Variants in DRC9 observed in about 807,000 individuals in gnomAD.
DRC9 encodes the protein dynein regulatory complex protein 9.
At chr3:197,941,563 C>CTTCTTTCT in the DRC9 span, among the ~76,000 whole-genome samples, 5 of 115,048 alleles carry the variant, frequency 4.3e-5, no homozygotes, top group Admixed American at 9.2e-5. Flanking sequence ...CCCTCCCTTC[C>CTTCTTTCT]TTCTTTCTTT....
the DRC9 span, among the ~76,000 whole-genome samples, chr3:197,942,056 C>G: frequency 6.6e-6 from 1 of 152,000 alleles, no homozygotes; most frequent in Non-Finnish European, 1.5e-5. Flanking sequence ...TAAAACTACC[C>G]CAAAACTCGC....
chr3:197,903,671 A>G, the DRC9 span, among the ~76,000 whole-genome samples: 1 of 152,190 alleles, frequency 6.6e-6, no homozygotes, highest in Non-Finnish European at 1.5e-5. Context: ...AGGCTTCTGC[A>G]TAGCAAACAA....
chr3:197,913,994 T>C, the DRC9 span: 3 of 1,614,192 alleles, frequency 1.9e-6, no homozygotes, highest in Non-Finnish European at 2.5e-6. Flanking sequence ...GATTTTGCCT[T>C]CATCTCTTGC....
the DRC9 span, chr3:197,953,771 TG>T: frequency 1.7e-6 from 1 of 593,800 alleles, no homozygotes; most frequent in South Asian, 2.0e-5. Flanking sequence ...TAAACTTACT[TG>T]GTTATCATGT....
chr3:197,923,493 G>T, the DRC9 span, among the ~76,000 whole-genome samples: 1 of 152,120 alleles, frequency 6.6e-6, no homozygotes, highest in Admixed American at 6.6e-5. Context: ...TTATGGGGGG[G>T]CCAAGGCAGA....
chr3:197,951,011 T>C, the DRC9 span: 47 of 1,610,148 alleles, frequency 2.9e-5, no homozygotes, highest in South Asian at 4.2e-4. Context: ...TTTATTTTTG[T>C]GTGTTAGACG....
chr3:197,914,086 C>T, the DRC9 span: 1 of 1,533,390 alleles, frequency 6.5e-7, no homozygotes, highest in Non-Finnish European at 9.0e-7. Context: ...ATACATTCTA[C>T]CTCCATTCAG....
At chr3:197,950,226 G>A in the DRC9 span, 14 of 1,231,332 alleles carry the variant, frequency 1.1e-5, no homozygotes, top group Non-Finnish European at 1.3e-5. Flanking sequence ...GTGGAGGTGA[G>A]TGAAGGGTCT....
chr3:197,950,956 CTAAA>C, the DRC9 span: 1 of 1,614,080 alleles, frequency 6.2e-7, no homozygotes, highest in African/African-American at 1.3e-5. Flanking sequence ...AACGGGACTT[CTAAA>C]AGGAACTATG....
At chr3:197,951,333 G>A in the DRC9 span, 5 of 1,613,460 alleles carry the variant, frequency 3.1e-6, no homozygotes, top group Non-Finnish European at 2.5e-6. Flanking sequence ...ACACTGGTAG[G>A]TTTTGGGTTT....
the DRC9 span, among the ~76,000 whole-genome samples, chr3:197,906,176 C>T: frequency 5.9e-5 from 9 of 152,288 alleles, no homozygotes; most frequent in African/African-American, 2.2e-4. Flanking sequence ...TGGAGGCACA[C>T]GACAGGAGGG....
At chr3:197,938,174 G>A in the DRC9 span, among the ~76,000 whole-genome samples, 37,685 of 151,526 alleles carry the variant, frequency 0.25, 5,845 homozygotes, top group African/African-American at 0.45. Context: ...AAAATTAGCC[G>A]GGCATGGTGG....
chr3:197,935,992 A>G, the DRC9 span, among the ~76,000 whole-genome samples: 1 of 151,984 alleles, frequency 6.6e-6, no homozygotes, highest in African/African-American at 2.4e-5. Flanking sequence ...TCACGTCTGT[A>G]ATCCCAGCAC....
At chr3:197,941,544 T>C in the DRC9 span, among the ~76,000 whole-genome samples, 1 of 85,844 alleles carries the variant, frequency 1.2e-5, no homozygotes, top group South Asian at 3.9e-4. Flanking sequence ...TTTCTTTCTT[T>C]CCCTCCCTCC....
the DRC9 span, chr3:197,957,730 C>T: frequency 6.6e-6 from 1 of 152,166 alleles, no homozygotes; most frequent in Non-Finnish European, 1.5e-5. Flanking sequence ...AAGTGCTGAT[C>T]TTGGACACCC....
the DRC9 span, chr3:197,943,701 T>A: frequency 5.0e-6 from 6 of 1,203,626 alleles, no homozygotes; most frequent in Non-Finnish European, 7.1e-6. Context: ...AATAAGTACA[T>A]TTAATGGGAT....
chr3:197,913,789 CTT>C, the DRC9 span: 15 of 1,311,018 alleles, frequency 1.1e-5, no homozygotes, highest in Admixed American at 1.7e-5. Context: ...GGAGGGAAAT[CTT>C]TGTCTCCCTC....
chr3:197,908,447 A>T, the DRC9 span, among the ~76,000 whole-genome samples: 1 of 137,518 alleles, frequency 7.3e-6, no homozygotes, highest in Non-Finnish European at 1.5e-5. Context: ...AGGTCTGAAG[A>T]GCAACCCTTT....
At chr3:197,937,326 C>G in the DRC9 span, among the ~76,000 whole-genome samples, 1 of 152,116 alleles carries the variant, frequency 6.6e-6, no homozygotes, top group African/African-American at 2.4e-5. Flanking sequence ...TGGAATTTGG[C>G]TATGTAGAAT....
Sources: gnomAD v4.1 joint callset for allele counts (sites outside exome capture counted in the v4.1 genomes callset) on GRCh38, gnomAD v4.1.1 for gene constraint, MANE v1.5 for transcripts, NCBI Gene and HGNC (gene_info 2026-07-23, HGNC 2026-07-21) for gene names.